Variants in IST1 observed in about 807,000 individuals in gnomAD.
The protein encoded by IST1 is IST1 homolog.
IST1 carries 23 observed loss-of-function variants against 37.0 expected under a neutral mutation model. The ratio of observed to expected loss-of-function variants is 0.62; its 90% CI spans 0.45 to 0.88. The LOEUF (loss-of-function observed/expected upper bound fraction) is 0.88, where lower values mean the gene tolerates loss of function less well. Among genes scored for constraint, IST1 ranks in the 40% least tolerant of loss-of-function variants. The pLI is 0.00. For synonymous variants in IST1, 180 were observed against 161.7 expected (o/e 1.11, Z -0.86); for missense variants, 488 against 445.4 (o/e 1.10, Z -0.86).
chr16:71,913,547 C>T (rs2037403363), intron 1 of IST1, among the ~76,000 whole-genome samples: 1 of 152,124 alleles, frequency 6.6e-6, no homozygotes, highest in Non-Finnish European at 1.5e-5. Context: ...CTCACCTAGC[C>T]TGGAATACTG....
At chr16:71,919,487 G>A (rs2037533248) in intron 4 of IST1, among the ~76,000 whole-genome samples, 1 of 152,206 alleles carries the variant, frequency 6.6e-6, no homozygotes, top group Admixed American at 6.5e-5. Context: ...GGGCTCAACT[G>A]ATCATCCTCC....
At chr16:71,927,520 T>TTC in intron 9 of IST1, 94 bp from the exon 10 acceptor site, 1 of 917,076 alleles carries the variant, frequency 1.1e-6, no homozygotes, top group East Asian at 2.4e-5. Flanking sequence ...AACTAAGGTT[T>TTC]TCTCCTGTGT....
At chr16:71,901,026 T>G (rs774681609) in intron 1 of IST1, among the ~76,000 whole-genome samples, 2 of 152,246 alleles carry the variant, frequency 1.3e-5, no homozygotes, top group Non-Finnish European at 2.9e-5. Context: ...ATCACATATG[T>G]ATAAAAATTT....
At chr16:71,923,010 A>G (rs962229201) in intron 7 of IST1, 2 of 477,382 alleles carry the variant, frequency 4.2e-6, no homozygotes, top group African/African-American at 2.0e-5. Context: ...CAACCTTTGT[A>G]GATAAGATGG....
intron 4 of IST1, among the ~76,000 whole-genome samples, chr16:71,918,851 AC>A (rs1333219414): frequency 6.6e-6 from 1 of 152,214 alleles, no homozygotes; most frequent in African/African-American, 2.4e-5. Flanking sequence ...ACCAGCCAAA[AC>A]AAAAACCATA....
Position 71,927,110 on chromosome 16 carries a change from A to G in IST1, c.902-504A>G, listed in dbSNP as rs1019741042. Reference sequence around the variant, plus strand: ...TGTATCCCACTTTGATTTCCCTTAAACTTTTTTCTCACCACAGGAAAGTAA... The same window carrying G: ...TGTATCCCACTTTGATTTCCCTTAAGCTTTTTTCTCACCACAGGAAAGTAA... On this transcript the variant is annotated intron_variant, in intron 9 of 9. Coordinates refer to ENST00000378799, the MANE Select transcript of IST1 (RefSeq NM_001270975.2). Among the ~76,000 whole-genome samples the G allele has an allele frequency of 3.3e-5, 5 of 152,220 alleles. No homozygotes were observed. The East Asian group carries it at 9.6e-4, about 29-fold the overall frequency.
At position 71,929,488 on chromosome 16, in the gene IST1, A is replaced by C. The variant is rs1238765790; in HGVS notation, c.*1675A>C. The C allele has an allele frequency of 6.8e-7, 1 of 1,469,794 alleles. No homozygotes were observed. The highest frequency in any genetic ancestry group is 9.1e-7 in the Non-Finnish European group (1 of 1,099,976). The allele number at this position is 1,469,794 out of a possible 1,614,324, so 91.0% of individuals were successfully genotyped here. On this transcript the variant is annotated 3_prime_UTR_variant, in exon 10 of 10. Coordinates refer to ENST00000378799, the MANE Select transcript of IST1 (RefSeq NM_001270975.2). Reference sequence around the variant, plus strand: ...AATTTTAAAGCTATGCCATGCAAAGATAAGTAGTAATACGCTAATAAATAC... The same window carrying C: ...AATTTTAAAGCTATGCCATGCAAAGCTAAGTAGTAATACGCTAATAAATAC...
intron 5 of IST1, 43 bp downstream of exon 5, chr16:71,920,865 C>A: frequency 7.2e-7 from 1 of 1,383,992 alleles, no homozygotes; most frequent in East Asian, 2.3e-5. Context: ...TGTGTGGGAG[C>A]AGTTTATTGT....
chr16:71,907,947 G>A (rs1341364455), intron 1 of IST1, among the ~76,000 whole-genome samples: 1 of 151,942 alleles, frequency 6.6e-6, no homozygotes, highest in Non-Finnish European at 1.5e-5. Context: ...TCCTCTTTAT[G>A]TCTTTACTTT....
At chr16:71,898,481 C>A (rs2037028357) in intron 1 of IST1, among the ~76,000 whole-genome samples, 1 of 146,736 alleles carries the variant, frequency 6.8e-6, no homozygotes, top group African/African-American at 2.5e-5. Context: ...GTTAGGAGTT[C>A]AAGACCAGCC....
In IST1 at chr16:71,923,784, AGATT is replaced by A. The variant is rs149177753; in HGVS notation, c.852+408_852+411del. ...CAACACATGTAAAGGAAGAGTGACC[AGATT>A]GATCTTAATCAGAAATGTCCAGTTA... On this transcript the variant is annotated intron_variant, in intron 8 of 9. Coordinates refer to ENST00000378799, the MANE Select transcript of IST1 (RefSeq NM_001270975.2). Among the ~76,000 whole-genome samples the A allele has an allele frequency of 6.9e-3, 1,048 of 152,328 alleles. 13 individuals carry two copies. Among genetic ancestry groups the A allele is most frequent in the African/African-American group, 0.024 (1,008 of 41,572 alleles).
intron 1 of IST1, among the ~76,000 whole-genome samples, chr16:71,905,195 C>G (rs776394498): frequency 6.6e-6 from 1 of 151,786 alleles, no homozygotes; most frequent in African/African-American, 2.4e-5. Flanking sequence ...GCCATCACAC[C>G]GGGCTAATTT....
At chr16:71,898,508 A>G (rs1174191820) in intron 1 of IST1, among the ~76,000 whole-genome samples, 3 of 150,992 alleles carry the variant, frequency 2.0e-5, no homozygotes, top group East Asian at 1.9e-4. Context: ...ACATGGTGAA[A>G]CCCCCTCTCT....
intron 1 of IST1, among the ~76,000 whole-genome samples, chr16:71,897,228 C>A (rs2036994192): frequency 6.7e-6 from 1 of 148,404 alleles, no homozygotes; most frequent in African/African-American, 2.5e-5. Context: ...CTTAATGTTG[C>A]CCAGACTGGT....
intron 9 of IST1, among the ~76,000 whole-genome samples, chr16:71,925,465 G>A (rs752951609): frequency 6.6e-6 from 1 of 151,312 alleles, no homozygotes; most frequent in Admixed American, 6.6e-5. Context: ...ATAGGCACAC[G>A]CCACCACGCC....
chr16:71,918,524 C>T (rs2037513846), intron 4 of IST1, among the ~76,000 whole-genome samples: 1 of 149,450 alleles, frequency 6.7e-6, no homozygotes, highest in Admixed American at 6.8e-5. Flanking sequence ...TGAAGCGATT[C>T]TTTTGCCTCA....
chr16:71,899,353 A>G (rs952723654), intron 1 of IST1, among the ~76,000 whole-genome samples: 2 of 148,122 alleles, frequency 1.4e-5, no homozygotes, highest in African/African-American at 5.0e-5. Context: ...TTGAGGCGGG[A>G]GGATTGCTGA....
chr16:71,914,557 A>G (rs1423575866), intron 1 of IST1, among the ~76,000 whole-genome samples: 1 of 152,188 alleles, frequency 6.6e-6, no homozygotes, highest in Non-Finnish European at 1.5e-5. Context: ...AACATAATTT[A>G]ATTACTGGAT....
intron 1 of IST1, among the ~76,000 whole-genome samples, chr16:71,904,953 T>G (rs1316584211): frequency 6.6e-6 from 1 of 152,212 alleles, no homozygotes; most frequent in Non-Finnish European, 1.5e-5. Flanking sequence ...CATTTTTGTT[T>G]CTGTTTCCTG....
Sources: allele counts gnomAD v4.1 joint callset (sites outside exome capture counted in the v4.1 genomes callset), GRCh38; gene constraint gnomAD v4.1.1; transcripts MANE v1.5; gene names NCBI Gene and HGNC (gene_info 2026-07-23, HGNC 2026-07-21).